Variants in CLK2 observed in about 807,000 individuals in gnomAD.
The protein encoded by CLK2 is CDC like kinase 2.
Under a neutral mutation model 73.5 loss-of-function variants are expected in CLK2, and 12 were observed. The ratio of observed to expected loss-of-function variants is 0.16; its 90% confidence interval spans 0.10 to 0.26. CLK2 has a LOEUF of 0.26. CLK2 is among the 10% of genes least tolerant of loss of function. The pLI is 1.00. For synonymous variants in CLK2, 232 were observed against 237.9 expected (o/e 0.98, Z 0.23); for missense variants, 509 against 688.4 (o/e 0.74, Z 2.92).
chr1:155,265,998 A>G, intron 7 of CLK2, 44 bp from the exon 8 acceptor site: 1 of 1,361,328 alleles, frequency 7.3e-7, no homozygotes, highest in Non-Finnish European at 1.1e-6. Context: ...AGGTGGCCAG[A>G]GCTAACTGGT....
At position 155,263,400 on chromosome 1, in the gene CLK2, G is replaced by A. The variant is rs748615667; in HGVS notation, c.1318C>T (p.Arg440Trp). Residue 440 changes from arginine to tryptophan, a missense_variant and splice_region_variant, in exon 13 of 13, where the codon CGG (arginine) becomes TGG (tryptophan). Arg to Trp is a moderately radical substitution (Grantham distance 101). Around this residue, in one of 6 missense-constraint regions of CLK2, gnomAD observed 134 missense variants for 146.0 expected, o/e 0.92. Transcript: ENST00000368361. ...TCCTCTGCCTCTGAGGTCAGATACC[G>A]CTGGTGGAGGAGGGCAGGAAAAAGG... ...YVRENCKPLR[R>W]YLTSEAEEHH... 25 of 1,613,764 alleles carry A rather than the reference G, an allele frequency of 1.5e-5. No individual in the cohort carries two copies. Among genetic ancestry groups the A allele is most frequent in the Non-Finnish European group, 2.0e-5 (24 of 1,179,986 alleles).
intron 1 of CLK2, among the ~76,000 whole-genome samples, chr1:155,272,016 G>GTT (rs34906309): frequency 0.1 from 14,143 of 137,062 alleles, 979 homozygotes; most frequent in Non-Finnish European, 0.15. Flanking sequence ...TGTTTCTTGT[G>GTT]TTTTTTTTTT....
chr1:155,265,705 T>C (rs1035773890), intron 8 of CLK2, among the ~76,000 whole-genome samples, 155 bp downstream of exon 8: 2 of 152,214 alleles, frequency 1.3e-5, no homozygotes, highest in African/African-American at 2.4e-5. Context: ...AAGAGATTTC[T>C]CCCTTTCAAC....
Position 155,268,679 on chromosome 1 carries a change from C to G in CLK2, c.487+29G>C. 6.3e-7 allele frequency: 1 copy of G among 1,596,214 alleles called. No individual in the cohort carries two copies. The highest frequency in any genetic ancestry group is 2.2e-5 in the East Asian group (1 of 44,774). On this transcript the variant is annotated intron_variant, in intron 4 of 12. Coordinates refer to ENST00000368361, the MANE Select transcript of CLK2 (RefSeq NM_001294338.2). The surrounding 1 kb of genome is among the most constrained non-coding windows in gnomAD (Gnocchi z 5.6). ...AGGATGGCTATGGGACCATTACAGG[C>G]TATAGGATTGTTACGATTTGGCTTG... is the stretch of plus-strand genomic sequence containing the variant.
chr1:155,269,635 C>A lies in CLK2; in HGVS notation c.252G>T (p.Arg84=). ...TGTCATAGTAGGCATCTCCCCGATC[C>A]CGGCTATAATCGTTGCGTCTGTAGC... ...CGSYRRNDYS[R]DRGDAYYDTD... The change falls in exon 3 of 13, where the codon CGG becomes CGT. Residue 84 remains arginine (R), a synonymous_variant. Coordinates refer to ENST00000368361, the MANE Select transcript of CLK2 (RefSeq NM_001294338.2). The A allele has an allele frequency of 6.2e-7, 1 of 1,614,208 alleles. No homozygotes were observed. Among genetic ancestry groups the A allele is most frequent in the Middle Eastern group, 1.6e-4 (1 of 6,062 alleles).
rs1372407393 is a variant in CLK2, at chr1:155,268,439, C to G, written c.488-80G>C. 3.4e-6 allele frequency: 4 copies of G among 1,167,220 alleles called. No homozygotes were observed. The highest frequency in any genetic ancestry group is 3.6e-5 in the Admixed American group (2 of 55,718). The allele number at this position is 1,167,220 out of a possible 1,614,324, so 72.3% of individuals were successfully genotyped here. A position where few individuals can be genotyped will look rare whatever the true frequency, so the allele number is the denominator to read the frequency against. On this transcript the variant is annotated intron_variant, in intron 4 of 12. Transcript: ENST00000368361. This position sits in a 1 kb window ranked among gnomAD's most constrained non-coding sequence, Gnocchi z 5.6. The stretch of plus-strand genomic sequence containing the variant: ...AGCTGAGTTGGAAGAAAAAAGGGGA[C>G]AGCAACCTGGGGTGGAGATGAAGGA...
intron 8 of CLK2, among the ~76,000 whole-genome samples, chr1:155,265,457 C>T (rs1673183548): frequency 6.6e-6 from 1 of 152,040 alleles, no homozygotes; most frequent in Non-Finnish European, 1.5e-5. Context: ...ATCCCAGCTA[C>T]TCCAGAGGCT....
rs1030878483 is a variant in CLK2, at chr1:155,262,949, G to T, written c.*269C>A. 5.1e-6 allele frequency: 2 copies of T among 393,620 alleles called. No individual in the cohort carries two copies. Among genetic ancestry groups the T allele is most frequent in the African/African-American group, 4.1e-5 (2 of 48,790 alleles). The allele number at this position is 393,620 out of a possible 1,614,324, so 24.4% of individuals were successfully genotyped here. A position where few individuals can be genotyped will look rare whatever the true frequency, so the allele number is the denominator to read the frequency against. On this transcript the variant is annotated 3_prime_UTR_variant, in exon 13 of 13. Transcript: ENST00000368361. Reference sequence around the variant, plus strand: ...TAAAACATGGGGTAGATGCCACCTGGTTACCTCACTCGGCCCCCATCCAAC... The same window carrying T: ...TAAAACATGGGGTAGATGCCACCTGTTTACCTCACTCGGCCCCCATCCAAC...
chr1:155,272,103 G>A (rs1363019256), intron 1 of CLK2, among the ~76,000 whole-genome samples: 1 of 147,546 alleles, frequency 6.8e-6, no homozygotes, highest in Non-Finnish European at 1.5e-5. Flanking sequence ...CATAACCTCC[G>A]CCTGCAGGGT....
At chr1:155,264,093 C>A in intron 11 of CLK2, 53 bp from the exon 12 acceptor site, 1 of 1,569,080 alleles carries the variant, frequency 6.4e-7, no homozygotes. Flanking sequence ...GTTACAATTC[C>A]CTTATTTCCC....
intron 6 of CLK2, 40 bp downstream of exon 6, chr1:155,267,970 G>T: frequency 7.1e-7 from 1 of 1,401,962 alleles, no homozygotes. Flanking sequence ...TGTAGGGGTT[G>T]GGGCTCTCAG....
At position 155,263,326 on chromosome 1, in the gene CLK2, T is replaced by C. The variant is rs767818963; in HGVS notation, c.1392A>G (p.Pro464=). 6.2e-7 allele frequency: 1 copy of C among 1,614,194 alleles called. No individual in the cohort carries two copies. The highest frequency in any genetic ancestry group is 8.5e-7 in the Non-Finnish European group (1 of 1,180,046). ...CTTCACCCAAGGTCAGCCGCTTAGC[T>C]GGTTCATACTCTAGCATGCTTTCAA... is the stretch of plus-strand genomic sequence containing the variant. ...DLIESMLEYE[P]AKRLTLGEAL... is the part of the protein sequence containing the mutation. Residue 464 remains proline, a synonymous_variant, in exon 13 of 13, where the codon CCA becomes CCG. Transcript: ENST00000368361.
At chr1:155,266,092 C>T (rs1471770374) in intron 7 of CLK2, 138 bp from the exon 8 acceptor site, 6 of 664,000 alleles carry the variant, frequency 9.0e-6, no homozygotes, top group East Asian at 5.4e-5. Flanking sequence ...TTCTGCTCTA[C>T]GTCTAAATGG....
intron 7 of CLK2, 81 bp from the exon 8 acceptor site, chr1:155,266,035 T>G: frequency 1.1e-6 from 1 of 912,994 alleles, no homozygotes; most frequent in Non-Finnish European, 1.8e-6. Flanking sequence ...CCTGGTTACC[T>G]AGGGCAAAGC....
At position 155,268,403 on chromosome 1, in the gene CLK2, G is replaced by A. The variant is rs994868338; in HGVS notation, c.488-44C>T. On this transcript the variant is annotated intron_variant, in intron 4 of 12. Transcript: ENST00000368361. This position sits in a 1 kb window ranked among gnomAD's most constrained non-coding sequence, Gnocchi z 5.6. ...GGGTCGGGGAGAGGGAGGGAGAGAA[G>A]GTGGGGAATGAGCTGAGTTGGAAGA... 2 of 1,548,356 alleles carry A rather than the reference G, an allele frequency of 1.3e-6. No individual in the cohort carries two copies. Among genetic ancestry groups the A allele is most frequent in the Non-Finnish European group, 1.8e-6 (2 of 1,120,618 alleles).
Position 155,268,133 on chromosome 1 carries a change from G to C in CLK2, c.555-7C>G. On this transcript the variant is annotated splice_region_variant and splice_polypyrimidine_tract_variant and intron_variant, in intron 5 of 12. Transcript: ENST00000368361. The surrounding 1 kb of genome is among the most constrained non-coding windows in gnomAD (Gnocchi z 5.6). ...GGCAACTCGAGCCCCACCCCTGTAAGTTGGCAGGAGAGGCTTTTGCTGGGT... is the reference window on the plus strand; with the variant it reads ...GGCAACTCGAGCCCCACCCCTGTAACTTGGCAGGAGAGGCTTTTGCTGGGT... 6.2e-7 allele frequency: 1 copy of C among 1,611,644 alleles called. No homozygotes were observed. Among genetic ancestry groups the C allele is most frequent in the Non-Finnish European group, 8.5e-7 (1 of 1,177,738 alleles).
In CLK2 at chr1:155,264,492, G is replaced by A. The variant is rs1418313314; in HGVS notation, c.1122C>T (p.Tyr374=). The A allele has an allele frequency of 2.5e-6, 4 of 1,614,084 alleles. No individual in the cohort carries two copies. The highest frequency in any genetic ancestry group is 3.4e-6 in the Non-Finnish European group (4 of 1,180,036). The part of the protein sequence containing the change: ...VWSIGCIIFE[Y]YVGFTLFQTH... Reference sequence around the variant, plus strand: ...CCTGGAAGAGGGTGAATCCCACATAGTATTCAAAGATGATGCAGCCTATAC... The same window carrying A: ...CCTGGAAGAGGGTGAATCCCACATAATATTCAAAGATGATGCAGCCTATAC... Residue 374 remains tyrosine (Y), a synonymous_variant, in exon 10 of 13, where the codon TAC becomes TAT. Coordinates refer to ENST00000368361, the MANE Select transcript of CLK2 (RefSeq NM_001294338.2).
intron 2 of CLK2, 136 bp from the exon 3 acceptor site, chr1:155,269,852 A>AGGTAACAAGCACATGT: frequency 2.6e-6 from 2 of 767,838 alleles, no homozygotes; most frequent in Non-Finnish European, 2.2e-6. Context: ...TGAGTCACTG[A>AGGTAACAAGCACATGT]GAGGACCAAG....
rs1673417637 is a variant in CLK2 at position 155,269,837 on chromosome 1, CTTG to C, written c.171-124_171-122del. 2.0e-5 allele frequency: 17 copies of C among 852,268 alleles called. No homozygotes were observed. In the East Asian group the frequency reaches 4.4e-4, roughly 22 times the overall value. The allele number at this position is 852,268 out of a possible 1,614,324, so 52.8% of individuals were successfully genotyped here. ...AATGCTAGAAAACTGTTCTCAGACACTTGTTGAGTCACTGAGAGGACCAAGGGA... is the reference window on the plus strand; with the variant it reads ...AATGCTAGAAAACTGTTCTCAGACACTTGAGTCACTGAGAGGACCAAGGGA... On this transcript the variant is annotated intron_variant, in intron 2 of 12. Transcript: ENST00000368361.
Sources: gnomAD v4.1 joint callset for allele counts (sites outside exome capture counted in the v4.1 genomes callset) on GRCh38, gnomAD v4.1.1 for gene constraint, gnomAD v4.1.1 regional missense constraint, Gnocchi (gnomAD v3.1) non-coding constraint, MANE v1.5 for transcripts, NCBI Gene and HGNC (gene_info 2026-07-23, HGNC 2026-07-21) for gene names.